Variants in AFF4 observed in about 807,000 individuals in gnomAD.
The protein encoded by AFF4 is AF4/FMR2 family member 4.
AFF4 carries 13 observed loss-of-function variants against 124.8 expected under a neutral mutation model. The ratio of observed to expected loss-of-function variants is 0.10; its 90% CI spans 0.07 to 0.17. The LOEUF is 0.17. Among genes scored for constraint, AFF4 ranks in the 10% least tolerant of loss-of-function variants. The pLI, the probability that AFF4 is intolerant of heterozygous loss-of-function variation, is 1.00. For synonymous variants in AFF4, 477 were observed against 496.1 expected, an observed-to-expected ratio of 0.96 and a Z score of 0.51; for missense variants, 1,092 against 1,403.8, an observed-to-expected ratio of 0.78 and a Z score of 3.55.
chr5:132,950,218 G>C (rs1761808258), intron 1 of AFF4, among the ~76,000 whole-genome samples: 1 of 152,176 alleles, frequency 6.6e-6, no homozygotes. Context: ...GCTCACGCCT[G>C]TAATTCCAGC....
chr5:132,939,017 C>T (rs371962647), intron 1 of AFF4, among the ~76,000 whole-genome samples: 8 of 138,342 alleles, frequency 5.8e-5, no homozygotes, highest in Admixed American at 1.5e-4. Flanking sequence ...GTGGGAGGAT[C>T]GCTTGACCTG....
chr5:132,925,299 ACAT>A (rs1761145627), intron 5 of AFF4, among the ~76,000 whole-genome samples: 1 of 152,042 alleles, frequency 6.6e-6, no homozygotes, highest in African/African-American at 2.4e-5. Context: ...AATCTACCTG[ACAT>A]CATTCACAAA....
chr5:132,937,820 TG>T (rs1256099935), intron 1 of AFF4: 1 of 152,222 alleles, frequency 6.6e-6, no homozygotes, highest in Non-Finnish European at 1.5e-5. Flanking sequence ...AGGTTTTCAG[TG>T]ATAGAATCAA....
chr5:132,922,437 C>T (rs1385646146), intron 5 of AFF4, among the ~76,000 whole-genome samples: 3 of 151,900 alleles, frequency 2.0e-5, no homozygotes, highest in Admixed American at 6.6e-5. Context: ...TAAAAGTATA[C>T]ATTTATACAA....
intron 1 of AFF4, among the ~76,000 whole-genome samples, chr5:132,951,693 A>T (rs1761846112): frequency 6.6e-6 from 1 of 152,142 alleles, no homozygotes; most frequent in Admixed American, 6.6e-5. Flanking sequence ...ACACCAGGCT[A>T]ATTTTTGTAT....
intron 11 of AFF4, 34 bp downstream of exon 11, chr5:132,896,289 G>T: frequency 6.5e-7 from 1 of 1,538,190 alleles, no homozygotes. Flanking sequence ...AGATTCTGAT[G>T]TTTCAAAACA....
rs59412090 is a variant in AFF4, at chr5:132,882,854, CAAAAAA to C, written c.3364+480_3364+485del. Among the ~76,000 whole-genome samples the C allele has an allele frequency of 4.3e-4, 53 of 123,472 alleles. 1 individual carries two copies. Among genetic ancestry groups the C allele is most frequent in the Admixed American group, 2.3e-3 (27 of 11,604 alleles). The allele number at this position is 123,472 out of a possible 152,430, so 81.0% of individuals were successfully genotyped here. A position where few individuals can be genotyped will look rare whatever the true frequency, so the allele number is the denominator to read the frequency against. On this transcript the variant is annotated intron_variant, in intron 20 of 20. Transcript: ENST00000265343. ...GGGCAACAAAAGCGAAACTCCATCTCAAAAAAAAAAAAAAAAAAATTTCTATTCATT... is the reference window on the plus strand; with the variant it reads ...GGGCAACAAAAGCGAAACTCCATCTCAAAAAAAAAAAAATTTCTATTCATT...
At chr5:132,959,889 C>T (rs1762045098) in intron 1 of AFF4, among the ~76,000 whole-genome samples, 3 of 151,512 alleles carry the variant, frequency 2.0e-5, no homozygotes. Context: ...CTCAGCCTCC[C>T]AAGTAGCTGG....
intron 5 of AFF4, among the ~76,000 whole-genome samples, chr5:132,923,036 C>T (rs1172184534): frequency 6.6e-6 from 1 of 151,802 alleles, no homozygotes; most frequent in Admixed American, 6.6e-5. Flanking sequence ...AGTAGCCGGG[C>T]GTGGTGGTGC....
At chr5:132,908,481 T>C (rs1760718589) in intron 5 of AFF4, among the ~76,000 whole-genome samples, 1 of 151,986 alleles carries the variant, frequency 6.6e-6, no homozygotes, top group Non-Finnish European at 1.5e-5. Flanking sequence ...AAGAATTCTA[T>C]TGAAGTTGAA....
chr5:132,890,122 T>C (rs1010570784), intron 13 of AFF4, among the ~76,000 whole-genome samples: 2 of 151,608 alleles, frequency 1.3e-5, no homozygotes, highest in East Asian at 1.9e-4. Flanking sequence ...CTCAATAATA[T>C]ATAATTTTAC....
At chr5:132,962,170 T>C (rs1192416032) in intron 1 of AFF4, among the ~76,000 whole-genome samples, 1 of 152,186 alleles carries the variant, frequency 6.6e-6, no homozygotes, top group Non-Finnish European at 1.5e-5. Flanking sequence ...TAAAGACCAG[T>C]TAAGTTTTAA....
chr5:132,918,861 T>C (rs1760976294), intron 5 of AFF4, among the ~76,000 whole-genome samples: 1 of 151,516 alleles, frequency 6.6e-6, no homozygotes, highest in African/African-American at 2.4e-5. Context: ...GACTTTTATG[T>C]TGAAATTGAC....
chr5:132,913,671 G>A (rs1358010157), intron 5 of AFF4, among the ~76,000 whole-genome samples: 3 of 152,222 alleles, frequency 2.0e-5, no homozygotes, highest in South Asian at 4.1e-4. Context: ...CAAACTTCTG[G>A]CCTCCAGGGA....
chr5:132,880,634 G>A lies in AFF4; in HGVS notation c.*425C>T. The A allele has an allele frequency of 3.0e-6, 1 of 333,308 alleles. No individual in the cohort carries two copies. Among genetic ancestry groups the A allele is most frequent in the Non-Finnish European group, 5.4e-6 (1 of 185,788 alleles). 20.6% of individuals were successfully genotyped at this position (333,308 alleles called of 1,614,324 possible). A position where few individuals can be genotyped will look rare whatever the true frequency, so the allele number is the denominator to read the frequency against. ...AGATATTAGGTAATAAAGCTCCCAA[G>A]GTATATAAATAAAAATGTCTACATT... On this transcript the variant is annotated 3_prime_UTR_variant, in exon 21 of 21. Coordinates refer to ENST00000265343, the MANE Select transcript of AFF4 (RefSeq NM_014423.4).
chr5:132,954,348 G>A (rs1275947895), intron 1 of AFF4, among the ~76,000 whole-genome samples: 2 of 152,164 alleles, frequency 1.3e-5, no homozygotes, highest in Admixed American at 6.5e-5. Flanking sequence ...ACCCCATCAC[G>A]TGACTTGTGA....
At chr5:132,936,384 G>C (rs1167213640) in intron 2 of AFF4, among the ~76,000 whole-genome samples, 4 of 150,736 alleles carry the variant, frequency 2.7e-5, no homozygotes, top group Non-Finnish European at 5.9e-5. Flanking sequence ...GTTATAGTTA[G>C]AAGCAGAAAC....
At chr5:132,933,744 T>C (rs1446431077) in intron 3 of AFF4, among the ~76,000 whole-genome samples, 1 of 152,034 alleles carries the variant, frequency 6.6e-6, no homozygotes, top group Non-Finnish European at 1.5e-5. Flanking sequence ...CCATTTATCA[T>C]AACCATAAAC....
At chr5:132,893,587 A>G (rs1226402514) in intron 11 of AFF4, among the ~76,000 whole-genome samples, 3 of 152,060 alleles carry the variant, frequency 2.0e-5, no homozygotes, top group Non-Finnish European at 4.4e-5. Context: ...GCACGATCTC[A>G]GCTCACTGCA....
Sources: allele counts gnomAD v4.1 joint callset (sites outside exome capture counted in the v4.1 genomes callset), GRCh38; gene constraint gnomAD v4.1.1; transcripts MANE v1.5; gene names NCBI Gene and HGNC (gene_info 2026-07-23, HGNC 2026-07-21).